Variants in BABAM2 observed in about 807,000 individuals in gnomAD.
BABAM2 encodes BRISC and BRCA1 A complex member 2, also known as BRISC and BRCA1-A complex member 2.
BABAM2 carries 31 observed loss-of-function variants against 54.7 expected under a neutral mutation model. That is an observed-to-expected ratio of 0.57 (90% CI 0.43 to 0.77). The LOEUF is 0.77. Among genes scored for constraint, BABAM2 ranks in the 30% least tolerant of loss-of-function variants. BABAM2 has a pLI of 0.00. For missense variants in BABAM2, 364 were observed against 455.8 expected (o/e 0.80, Z 1.83); for synonymous variants, 167 against 162.9 (o/e 1.03, Z -0.19).
intron 7 of BABAM2, among the ~76,000 whole-genome samples, chr2:28,197,301 C>G (rs1254809662): frequency 6.6e-6 from 1 of 152,230 alleles, no homozygotes; most frequent in Non-Finnish European, 1.5e-5. Context: ...TGACCAATTT[C>G]TCTAGCCTCT....
chr2:28,278,397 A>G (rs1686056588), intron 10 of BABAM2, among the ~76,000 whole-genome samples: 1 of 152,158 alleles, frequency 6.6e-6, no homozygotes, highest in Admixed American at 6.6e-5. Flanking sequence ...GAGATTCTAG[A>G]AATACTTCAG....
At chr2:28,189,633 C>T (rs965459528) in intron 7 of BABAM2, among the ~76,000 whole-genome samples, 1 of 151,870 alleles carries the variant, frequency 6.6e-6, no homozygotes, top group Non-Finnish European at 1.5e-5. Flanking sequence ...TAAAGAAGAC[C>T]TAAATAAATA....
intron 3 of BABAM2, among the ~76,000 whole-genome samples, chr2:27,933,007 G>A (rs1573200532): frequency 1.3e-5 from 2 of 152,308 alleles, no homozygotes; most frequent in East Asian, 3.9e-4. Context: ...CGGGATTGGA[G>A]GGGGTCTTAG....
chr2:27,983,004 C>CT (rs916186042), intron 3 of BABAM2, among the ~76,000 whole-genome samples: 62 of 151,884 alleles, frequency 4.1e-4, no homozygotes, highest in Non-Finnish European at 2.1e-4. Flanking sequence ...TGATAATCTC[C>CT]TTTTAGCTAC....
chr2:28,255,555 A>C (rs1683899528), intron 10 of BABAM2, among the ~76,000 whole-genome samples: 1 of 152,146 alleles, frequency 6.6e-6, no homozygotes, highest in East Asian at 1.9e-4. Flanking sequence ...GATTACAGGC[A>C]TAAGCCACAG....
chr2:28,197,644 A>G (rs1677753396), intron 7 of BABAM2, among the ~76,000 whole-genome samples: 1 of 152,220 alleles, frequency 6.6e-6, no homozygotes, highest in Non-Finnish European at 1.5e-5. Context: ...CATAGTAGAG[A>G]GTACTAGTAA....
At chr2:27,907,369 C>T (rs1427688596) in intron 2 of BABAM2, among the ~76,000 whole-genome samples, 1 of 151,686 alleles carries the variant, frequency 6.6e-6, no homozygotes, top group Non-Finnish European at 1.5e-5. Context: ...TGATGTTCCG[C>T]TTTTAAGTAG....
At chr2:28,255,310 G>A (rs1683876738) in intron 10 of BABAM2, among the ~76,000 whole-genome samples, 1 of 152,122 alleles carries the variant, frequency 6.6e-6, no homozygotes, top group African/African-American at 2.4e-5. Flanking sequence ...GTCTCACTTT[G>A]TTGCCCAGGC....
At chr2:28,093,384 A>G (rs1169378475) in intron 6 of BABAM2, among the ~76,000 whole-genome samples, 1 of 152,162 alleles carries the variant, frequency 6.6e-6, no homozygotes, top group Non-Finnish European at 1.5e-5. Context: ...TGGGATCTGA[A>G]CTTGTGTCTT....
chr2:28,284,019 T>C (rs1686597408), intron 10 of BABAM2, among the ~76,000 whole-genome samples: 1 of 152,238 alleles, frequency 6.6e-6, no homozygotes, highest in South Asian at 2.1e-4. Context: ...GAAAAGTATC[T>C]TATTCCTTTA....
intron 10 of BABAM2, among the ~76,000 whole-genome samples, chr2:28,259,599 A>G (rs1684314910): frequency 6.6e-6 from 1 of 152,126 alleles, no homozygotes; most frequent in South Asian, 2.1e-4. Context: ...GATGAAGTCA[A>G]TTTTATCATT....
At chr2:28,174,258 T>C (rs1223953580) in intron 7 of BABAM2, among the ~76,000 whole-genome samples, 1 of 152,214 alleles carries the variant, frequency 6.6e-6, no homozygotes, top group African/African-American at 2.4e-5. Flanking sequence ...AAAGGTGATA[T>C]AGCAATGAAC....
In BABAM2 at chr2:28,280,637, C is replaced by T. The variant is rs184944732; in HGVS notation, c.935-17701C>T. The stretch of plus-strand genomic sequence containing the variant: ...AAAATATTCCTCTAGACCTGGGGTT[C>T]ACACATCCCTCCTCCTGATCCGTGC... On this transcript the variant is annotated intron_variant, in intron 10 of 11. Transcript: ENST00000379624. 2.0e-4 allele frequency among the ~76,000 whole-genome samples: 30 copies of T among 152,282 alleles called. No homozygotes were observed. The East Asian group carries it at 5.8e-3, about 29-fold the overall frequency.
intron 3 of BABAM2, among the ~76,000 whole-genome samples, chr2:27,952,324 T>C (rs1432171519): frequency 1.3e-5 from 2 of 152,262 alleles, no homozygotes; most frequent in East Asian, 3.8e-4. Flanking sequence ...TTGATGAGTC[T>C]ACATAGTGTC....
At chr2:28,215,542 G>A (rs1408373120) in intron 7 of BABAM2, among the ~76,000 whole-genome samples, 2 of 152,162 alleles carry the variant, frequency 1.3e-5, no homozygotes, top group Non-Finnish European at 2.9e-5. Context: ...TTAGAAGAAT[G>A]TGCTATTTAA....
At chr2:27,960,563 C>T (rs1411016088) in intron 3 of BABAM2, among the ~76,000 whole-genome samples, 1 of 152,036 alleles carries the variant, frequency 6.6e-6, no homozygotes. Context: ...TTCTACTTTG[C>T]GTAGCTCAGC....
chr2:28,044,979 T>C (rs2148610203), intron 5 of BABAM2, among the ~76,000 whole-genome samples: 1 of 151,260 alleles, frequency 6.6e-6, no homozygotes, highest in East Asian at 1.9e-4. Context: ...ACTCCTCCTC[T>C]AGACTATGAC....
chr2:27,938,389 G>A (rs1199192891), intron 3 of BABAM2, among the ~76,000 whole-genome samples: 1 of 151,658 alleles, frequency 6.6e-6, no homozygotes, highest in African/African-American at 2.4e-5. Context: ...AACAGAAAAG[G>A]TCTTTGCCTT....
chr2:27,900,475 C>T (rs1665695818), intron 2 of BABAM2, among the ~76,000 whole-genome samples: 1 of 151,900 alleles, frequency 6.6e-6, no homozygotes, highest in African/African-American at 2.4e-5. Flanking sequence ...CATTGCTAGA[C>T]CCATCAGTAT....
Sources: allele counts gnomAD v4.1 joint callset (sites outside exome capture counted in the v4.1 genomes callset), GRCh38; gene constraint gnomAD v4.1.1; transcripts MANE v1.5; gene names NCBI Gene and HGNC (gene_info 2026-07-23, HGNC 2026-07-21).